The following CACNG2 variants were observed in gnomAD, a reference collection of about 807,000 sequenced individuals.
CACNG2 encodes the protein calcium voltage-gated channel auxiliary subunit gamma 2.
CACNG2 carries 3 observed loss-of-function variants against 25.9 expected under a neutral mutation model. The ratio of observed to expected loss-of-function variants is 0.12; its 90% CI spans 0.05 to 0.30. The LOEUF is 0.30. Ranked by LOEUF, CACNG2 falls within the 10% of genes least tolerant of loss-of-function variation. The probability of loss-of-function intolerance (pLI) is 1.00; values close to 1 mark genes in which losing one functional copy is unlikely to be tolerated. For synonymous variants in CACNG2, 167 were observed against 173.3 expected (o/e 0.96, Z 0.29); for missense variants, 341 against 432.5 (o/e 0.79, Z 1.88).
At chr22:36,698,479 T>C (rs1937369498) in intron 1 of CACNG2, among the ~76,000 whole-genome samples, 1 of 152,142 alleles carries the variant, frequency 6.6e-6, no homozygotes, top group Non-Finnish European at 1.5e-5. Context: ...AATCCTTTTT[T>C]TTTCCTGCAG....
intron 1 of CACNG2, among the ~76,000 whole-genome samples, chr22:36,636,652 C>T (rs763591221): frequency 4.6e-5 from 7 of 152,226 alleles, no homozygotes; most frequent in African/African-American, 7.2e-5. Context: ...TGCTATTTAC[C>T]GTACCCCCGT....
chr22:36,609,687 A>G (rs113667006), intron 1 of CACNG2, among the ~76,000 whole-genome samples: 770 of 54,678 alleles, frequency 0.014, 1 homozygote, highest in Middle Eastern at 0.065. Context: ...GCAGGAATCA[A>G]CCCCCCAGAG....
intron 1 of CACNG2, among the ~76,000 whole-genome samples, chr22:36,658,066 C>A (rs1273108279): frequency 3.9e-5 from 6 of 152,122 alleles, no homozygotes. Context: ...ATAAGTGCAT[C>A]ATTACCAAGT....
rs916356838 is a variant in CACNG2, at chr22:36,679,163, TTCCTTCCTTCC to T, written c.211+23192_211+23202del. On this transcript the variant is annotated intron_variant, in intron 1 of 3. Coordinates refer to ENST00000300105, the MANE Select transcript of CACNG2 (RefSeq NM_006078.5). ...CTTCCTTCCTTCCTTCCTTCCTTCC[TTCCTTCCTTCC>T]TTCCTTCCTTCCTTCCTTCCTTCCT... Among the ~76,000 whole-genome samples, 18 of 110,370 alleles carry T rather than the reference TTCCTTCCTTCC, an allele frequency of 1.6e-4. No homozygotes were observed. The East Asian group carries it at 4.4e-3, about 27-fold the overall frequency. The allele number at this position is 110,370 out of a possible 152,430, so 72.4% of individuals were successfully genotyped here.
intron 1 of CACNG2, among the ~76,000 whole-genome samples, chr22:36,671,983 T>C (rs1459454976): frequency 1.3e-5 from 2 of 152,108 alleles, no homozygotes; most frequent in East Asian, 3.8e-4. Context: ...CGGGTAACTT[T>C]CAGCAAAAGG....
intron 1 of CACNG2, among the ~76,000 whole-genome samples, chr22:36,625,026 C>CAAAAAAAAAAAAAAAAAAAAAAAAA (rs57987215): frequency 1.5e-5 from 1 of 67,652 alleles, no homozygotes. Flanking sequence ...GACTCTGTCT[C>CAAAAAAAAAAAAAAAAAAAAAAAAA]AAAAAAAAAA....
rs558558205 is a variant in CACNG2, at chr22:36,615,882, C to T, written c.212-28334G>A. Among the ~76,000 whole-genome samples, 3 of 152,310 alleles carry T rather than the reference C, an allele frequency of 2.0e-5. No individual in the cohort carries two copies. In the South Asian group the frequency reaches 6.2e-4, roughly 32 times the overall value. ...GTGTTAGTTAAAAAAAGAAAGAACT[C>T]ACAGATGTACTGCATGTCAAGGTAT... On this transcript the variant is annotated intron_variant, in intron 1 of 3. Transcript: ENST00000300105.
At position 36,591,307 on chromosome 22, in the gene CACNG2, G is replaced by T. The variant is rs543397291; in HGVS notation, c.212-3759C>A. Among the ~76,000 whole-genome samples, 5 of 152,246 alleles carry T rather than the reference G, an allele frequency of 3.3e-5. No homozygotes were observed. In the South Asian group the frequency reaches 1.0e-3, roughly 32 times the overall value. ...GCCTCCCAAAGTGCTGGGATTACAG[G>T]CGTGAGCCACCGCGCCCGGCCTAAG... On this transcript the variant is annotated intron_variant, in intron 1 of 3. Transcript: ENST00000300105.
intron 1 of CACNG2, among the ~76,000 whole-genome samples, chr22:36,588,279 G>T (rs978068708): frequency 2.0e-5 from 3 of 152,210 alleles, no homozygotes; most frequent in Admixed American, 2.0e-4. Context: ...GACGGAATCA[G>T]GGCTGAAACT....
chr22:36,643,673 T>C (rs940049841), intron 1 of CACNG2, among the ~76,000 whole-genome samples: 5 of 152,208 alleles, frequency 3.3e-5, no homozygotes, highest in African/African-American at 9.7e-5. Context: ...GTGTTGCTAA[T>C]GCTACTCTGT....
At position 36,572,107 on chromosome 22, in the gene CACNG2, G is replaced by C. The variant is rs1051856144; in HGVS notation, c.296-5614C>G. On this transcript the variant is annotated intron_variant, in intron 2 of 3. Coordinates refer to ENST00000300105, the MANE Select transcript of CACNG2 (RefSeq NM_006078.5). ...TCAGGAAATATCTGATTTATTTAAT[G>C]AACAAATATTTACTGGTCTCCTATG... 2.6e-5 allele frequency among the ~76,000 whole-genome samples: 4 copies of C among 152,200 alleles called. No individual in the cohort carries two copies. In the South Asian group the frequency reaches 8.3e-4, roughly 32 times the overall value.
At chr22:36,670,468 A>G (rs777270971) in intron 1 of CACNG2, among the ~76,000 whole-genome samples, 19 of 152,198 alleles carry the variant, frequency 1.2e-4, no homozygotes, top group Non-Finnish European at 2.8e-4. Flanking sequence ...GGGCTGTTAT[A>G]AAAGTATTGA....
Position 36,564,569 on chromosome 22 carries a change from C to G in CACNG2, c.754G>C (p.Ala252Pro). Reference protein sequence around the residue: ...RSTEPSHSRDASPVGIKGFNT... With the variant: ...RSTEPSHSRDPSPVGIKGFNT... ...AAGCCCTTGATGCCCACGGGGGAGG[C>G]GTCCCTGGAGTGTGAGGGCTCCGTG... Residue 252 changes from alanine (A) to proline (P), a missense_variant, in exon 4 of 4, where the codon GCC becomes CCC. Physicochemically the swap from Ala to Pro is conservative, Grantham distance 27 (BLOSUM62 -1). Around this residue, in one of 2 missense-constraint regions of CACNG2, gnomAD observed 172 missense variants for 178.1 expected, o/e 0.97. Coordinates refer to ENST00000300105, the MANE Select transcript of CACNG2 (RefSeq NM_006078.5). The surrounding 1 kb of genome is among the most constrained non-coding windows in gnomAD (Gnocchi z 6.7). The G allele has an allele frequency of 6.2e-7, 1 of 1,614,006 alleles. No homozygotes were observed. The highest frequency in any genetic ancestry group is 8.5e-7 in the Non-Finnish European group (1 of 1,179,966).
At chr22:36,657,282 C>T (rs980558982) in intron 1 of CACNG2, among the ~76,000 whole-genome samples, 4 of 152,202 alleles carry the variant, frequency 2.6e-5, no homozygotes, top group Admixed American at 6.5e-5. Context: ...ACAAAGAGAA[C>T]TCAGGCATCC....
In CACNG2 at chr22:36,576,976, C is replaced by T. The variant is rs183235850; in HGVS notation, c.296-10483G>A. 1.8e-3 allele frequency among the ~76,000 whole-genome samples: 268 copies of T among 152,246 alleles called. 1 individual carries two copies. In the South Asian group the frequency reaches 0.018, roughly 10 times the overall value. Reference sequence around the variant, plus strand: ...GGGGAGTACCATCTGTGCAGGATGCCGGATACATCCCTGCTTCCTGCTGTC... The same window carrying T: ...GGGGAGTACCATCTGTGCAGGATGCTGGATACATCCCTGCTTCCTGCTGTC... On this transcript the variant is annotated intron_variant, in intron 2 of 3. Transcript: ENST00000300105.
At chr22:36,629,891 C>T (rs150673342) in intron 1 of CACNG2, among the ~76,000 whole-genome samples, 32 of 152,222 alleles carry the variant, frequency 2.1e-4, no homozygotes, top group African/African-American at 7.7e-4. Flanking sequence ...TGATGTGTCG[C>T]AAAGCCTACA....
At chr22:36,635,821 G>A (rs139348264) in intron 1 of CACNG2, among the ~76,000 whole-genome samples, 21 of 152,172 alleles carry the variant, frequency 1.4e-4, no homozygotes, top group African/African-American at 4.8e-4. Flanking sequence ...TGCTCACCAC[G>A]TCCAGTTGTG....
At chr22:36,603,766 A>T (rs1292877037) in intron 1 of CACNG2, among the ~76,000 whole-genome samples, 1 of 152,204 alleles carries the variant, frequency 6.6e-6, no homozygotes, top group Non-Finnish European at 1.5e-5. Flanking sequence ...CGCTATTAAG[A>T]TCTACTGCTC....
intron 1 of CACNG2, among the ~76,000 whole-genome samples, chr22:36,594,783 C>T (rs1208011167): frequency 1.8e-5 from 2 of 111,660 alleles, no homozygotes; most frequent in South Asian, 5.7e-4. Context: ...GTGTGTGTGT[C>T]TGTGTGTGTG....
Sources: allele counts gnomAD v4.1 joint callset (sites outside exome capture counted in the v4.1 genomes callset), GRCh38; gene constraint gnomAD v4.1.1; regional missense constraint gnomAD v4.1.1; non-coding constraint Gnocchi (gnomAD v3.1); transcripts MANE v1.5; gene names NCBI Gene and HGNC (gene_info 2026-07-23, HGNC 2026-07-21).